The following LSAMP variants were observed in gnomAD, a reference collection of about 807,000 sequenced individuals.
LSAMP encodes limbic system-associated membrane protein.
A neutral mutation model predicts 38.6 loss-of-function variants in LSAMP; 7 were observed. The observed-to-expected ratio is 0.18, with a 90% CI of 0.10 to 0.34. The LOEUF (loss-of-function observed/expected upper bound fraction) is 0.34. Ranked by LOEUF, LSAMP falls within the 10% of genes least tolerant of loss-of-function variation. The pLI, the probability that LSAMP is intolerant of heterozygous loss-of-function variation, is 1.00. For missense variants in LSAMP, 313 were observed against 420.0 expected, an observed-to-expected ratio of 0.75 and a Z score of 2.23; for synonymous variants, 154 against 166.8, an observed-to-expected ratio of 0.92 and a Z score of 0.59.
At chr3:116,085,111 T>C (rs1209623161) in intron 2 of LSAMP, among the ~76,000 whole-genome samples, 1 of 152,192 alleles carries the variant, frequency 6.6e-6, no homozygotes, top group Non-Finnish European at 1.5e-5. Context: ...TTTCTTGTAA[T>C]GGAGCTTAAG....
At chr3:116,175,932 T>C (rs1197952576) in intron 1 of LSAMP, among the ~76,000 whole-genome samples, 1 of 152,164 alleles carries the variant, frequency 6.6e-6, no homozygotes, top group Non-Finnish European at 1.5e-5. Flanking sequence ...CAAACTTATT[T>C]TTCTGTTTAT....
chr3:116,111,177 C>T (rs549216844), intron 1 of LSAMP, among the ~76,000 whole-genome samples: 1 of 152,172 alleles, frequency 6.6e-6, no homozygotes, highest in Non-Finnish European at 1.5e-5. Context: ...TGGGCATATA[C>T]GTGCAAGTCA....
chr3:115,806,997 G>A lies in LSAMP; in HGVS notation c.*3320C>T, dbSNP rs1933645332. 1 of 152,108 alleles carries A rather than the reference G, an allele frequency of 6.6e-6. No homozygotes were observed. Among genetic ancestry groups the A allele is most frequent in the African/African-American group, 2.4e-5 (1 of 41,422 alleles). The allele number at this position is 152,108 out of a possible 1,614,324, so 9.4% of individuals were successfully genotyped here. On this transcript the variant is annotated 3_prime_UTR_variant, in exon 7 of 7. Coordinates refer to ENST00000490035, the MANE Select transcript of LSAMP (RefSeq NM_002338.5). ...TTTACGAATGGTGGAGTTTTACTTT[G>A]TATACAAAGGATATTAAATATATTA...
chr3:115,863,844 A>T (rs1296732255), intron 3 of LSAMP, among the ~76,000 whole-genome samples: 1 of 152,134 alleles, frequency 6.6e-6, no homozygotes, highest in East Asian at 1.9e-4. Flanking sequence ...GGTTTCTCAG[A>T]ATGAAAAAGA....
In LSAMP at chr3:116,060,908, TAAATAAAATA is replaced by T. The variant is rs561034210; in HGVS notation, c.388+25406_388+25415del. ...AAAAATAAAATACCACAATGAGAAA[TAAATAAAATA>T]AAATAAAATAAAATAAATATAAATA... On this transcript the variant is annotated intron_variant, in intron 2 of 6. Transcript: ENST00000490035. 8.7e-4 allele frequency among the ~76,000 whole-genome samples: 132 copies of T among 151,604 alleles called. 1 individual carries two copies. The highest frequency in any genetic ancestry group is 3.4e-3 in the Middle Eastern group (1 of 294).
At chr3:116,083,178 T>C (rs1707909565) in intron 2 of LSAMP, among the ~76,000 whole-genome samples, 1 of 152,162 alleles carries the variant, frequency 6.6e-6, no homozygotes. Context: ...TGAAAGCGTC[T>C]GTTAGATTCT....
At position 116,139,771 on chromosome 3, in the gene LSAMP, C is replaced by T. The variant is rs111226260; in HGVS notation, c.156-53215G>A. Among the ~76,000 whole-genome samples, 1,418 of 152,074 alleles carry T rather than the reference C, an allele frequency of 9.3e-3. 19 individuals are homozygous for T. Among genetic ancestry groups the T allele is most frequent in the African/African-American group, 0.031 (1,284 of 41,514 alleles). On this transcript the variant is annotated intron_variant, in intron 1 of 6. Transcript: ENST00000490035. ...CTGCTTTGGGGGAATGGGAAAGATG[C>T]AGCTAGAGACAACAAACTGCTCTCT...
At chr3:116,299,962 C>T (rs1304497340) in intron 1 of LSAMP, among the ~76,000 whole-genome samples, 1 of 152,160 alleles carries the variant, frequency 6.6e-6, no homozygotes, top group Non-Finnish European at 1.5e-5. Context: ...GACAAAAAGG[C>T]TTCACTTAGG....
At chr3:116,240,069 CTAT>C (rs1048284895) in intron 1 of LSAMP, among the ~76,000 whole-genome samples, 3 of 152,102 alleles carry the variant, frequency 2.0e-5, no homozygotes, top group African/African-American at 7.2e-5. Flanking sequence ...CTTACAAAAT[CTAT>C]ATATACACAA....
At chr3:116,397,447 T>TTTC (rs1208191816) in intron 1 of LSAMP, among the ~76,000 whole-genome samples, 2 of 144,148 alleles carry the variant, frequency 1.4e-5, no homozygotes, top group African/African-American at 5.0e-5. Flanking sequence ...CCTTTTCACT[T>TTTC]AATTTTTGTT....
Position 115,881,634 on chromosome 3 carries a change from T to A in LSAMP, c.515-29017A>T, listed in dbSNP as rs1936326260. Among the ~76,000 whole-genome samples the A allele has an allele frequency of 2.6e-5, 4 of 152,154 alleles. No homozygotes were observed. The South Asian group carries it at 8.3e-4, about 32-fold the overall frequency. On this transcript the variant is annotated intron_variant, in intron 3 of 6. Coordinates refer to ENST00000490035, the MANE Select transcript of LSAMP (RefSeq NM_002338.5). ...GCGGTTGTTTATATTCACTTGCTAC[T>A]TAAGTGTGGGTTCTAAAATGACACT...
intron 3 of LSAMP, among the ~76,000 whole-genome samples, chr3:115,932,930 C>A (rs889957559): frequency 6.6e-6 from 1 of 151,988 alleles, no homozygotes; most frequent in East Asian, 1.9e-4. Context: ...ACAGTGGGTA[C>A]GCAGTGGAAA....
At chr3:115,993,392 GGAGA>G (rs1939727429) in intron 3 of LSAMP, among the ~76,000 whole-genome samples, 1 of 151,990 alleles carries the variant, frequency 6.6e-6, no homozygotes. Flanking sequence ...AGTGCATCTA[GGAGA>G]AAGAATTTAG....
At chr3:115,829,751 A>C (rs1181990784) in intron 6 of LSAMP, among the ~76,000 whole-genome samples, 1 of 152,248 alleles carries the variant, frequency 6.6e-6, no homozygotes, top group African/African-American at 2.4e-5. Context: ...TAAGAAAATA[A>C]TGAAAAATAT....
chr3:115,954,168 A>G (rs953446092), intron 3 of LSAMP, among the ~76,000 whole-genome samples: 4 of 151,956 alleles, frequency 2.6e-5, no homozygotes, highest in Non-Finnish European at 5.9e-5. Context: ...TTTTTTTACT[A>G]TATTTTCTGG....
At chr3:115,955,176 C>T (rs1442039764) in intron 3 of LSAMP, among the ~76,000 whole-genome samples, 2 of 152,074 alleles carry the variant, frequency 1.3e-5, no homozygotes, top group African/African-American at 2.4e-5. Context: ...CCTCGTGATC[C>T]GCCGGCTTCG....
At chr3:115,928,581 C>T (rs1251614097) in intron 3 of LSAMP, among the ~76,000 whole-genome samples, 1 of 152,142 alleles carries the variant, frequency 6.6e-6, no homozygotes, top group Non-Finnish European at 1.5e-5. Flanking sequence ...ATGTTAAGTG[C>T]ATATTGTGAA....
intron 1 of LSAMP, among the ~76,000 whole-genome samples, chr3:116,144,204 A>G (rs1188004269): frequency 6.6e-6 from 1 of 151,916 alleles, no homozygotes; most frequent in Non-Finnish European, 1.5e-5. Flanking sequence ...AGGGCTTTAT[A>G]TATGCTTCCA....
intron 1 of LSAMP, among the ~76,000 whole-genome samples, chr3:116,349,080 C>G (rs1319908617): frequency 6.6e-6 from 1 of 151,940 alleles, no homozygotes; most frequent in Non-Finnish European, 1.5e-5. Flanking sequence ...TGGATAATAT[C>G]TATATCTAAT....
Sources: gnomAD v4.1 joint callset for allele counts (sites outside exome capture counted in the v4.1 genomes callset) on GRCh38, gnomAD v4.1.1 for gene constraint, MANE v1.5 for transcripts, NCBI Gene and HGNC (gene_info 2026-07-23, HGNC 2026-07-21) for gene names.